The following ASH1L variants were observed in gnomAD, a reference collection of about 807,000 sequenced individuals.
The protein encoded by ASH1L is ASH1 like histone lysine methyltransferase, also known as histone-lysine N-methyltransferase ASH1L.
ASH1L carries 23 observed loss-of-function variants against 269.0 expected under a neutral mutation model. The observed-to-expected ratio is 0.09, with a 90% CI of 0.06 to 0.12. The LOEUF (loss-of-function observed/expected upper bound fraction) is 0.12, where lower values mean the gene tolerates loss of function less well. Among genes scored for constraint, ASH1L ranks in the 10% least tolerant of loss-of-function variants. ASH1L has a pLI of 1.00. For missense variants in ASH1L, 2,912 were observed against 3,567.8 expected (o/e 0.82, Z 4.68); for synonymous variants, 1,187 against 1,253.5 (o/e 0.95, Z 1.12).
intron 5 of ASH1L, among the ~76,000 whole-genome samples, chr1:155,430,083 C>T (rs746334142): frequency 6.6e-6 from 1 of 151,950 alleles, no homozygotes; most frequent in Non-Finnish European, 1.5e-5. Flanking sequence ...TCAAGCAATT[C>T]TCCTGCCTCA....
chr1:155,555,606 CTT>C (rs1199991825), intron 1 of ASH1L, among the ~76,000 whole-genome samples: 1 of 151,826 alleles, frequency 6.6e-6, no homozygotes, highest in Non-Finnish European at 1.5e-5. Flanking sequence ...GTAAGAAACC[CTT>C]TGTTTCTCTC....
At chr1:155,553,384 A>G (rs1671347945) in intron 1 of ASH1L, among the ~76,000 whole-genome samples, 1 of 152,218 alleles carries the variant, frequency 6.6e-6, no homozygotes, top group South Asian at 2.1e-4. Flanking sequence ...TTTGTCTAAG[A>G]AAAGTATTTT....
At chr1:155,417,054 C>T (rs1044602427) in intron 5 of ASH1L, among the ~76,000 whole-genome samples, 2 of 151,798 alleles carry the variant, frequency 1.3e-5, no homozygotes, top group African/African-American at 4.8e-5. Context: ...ACCTCAGCCT[C>T]CTGAGTAGCT....
At chr1:155,467,650 C>T (rs919023835) in intron 3 of ASH1L, among the ~76,000 whole-genome samples, 1 of 152,154 alleles carries the variant, frequency 6.6e-6, no homozygotes, top group Non-Finnish European at 1.5e-5. Flanking sequence ...CCAAGCTACA[C>T]ATTCCAGTGT....
chr1:155,541,097 T>C (rs998602834), intron 1 of ASH1L, among the ~76,000 whole-genome samples: 12 of 152,142 alleles, frequency 7.9e-5, no homozygotes, highest in Admixed American at 6.6e-4. Flanking sequence ...TTATACCAAT[T>C]AAGTTATTTA....
intron 12 of ASH1L, among the ~76,000 whole-genome samples, chr1:155,368,877 C>G (rs1353230303): frequency 6.6e-6 from 1 of 152,150 alleles, no homozygotes; most frequent in African/African-American, 2.4e-5. Flanking sequence ...TAAAAAGTAA[C>G]AAACCACTAA....
At chr1:155,508,927 T>C (rs1312912701) in intron 2 of ASH1L, among the ~76,000 whole-genome samples, 2 of 152,026 alleles carry the variant, frequency 1.3e-5, no homozygotes, top group African/African-American at 4.8e-5. Flanking sequence ...CCAGGAAAGG[T>C]GTCAGTAACG....
At chr1:155,373,401 C>A (rs753623047) in intron 10 of ASH1L, among the ~76,000 whole-genome samples, 3 of 151,882 alleles carry the variant, frequency 2.0e-5, no homozygotes, top group Non-Finnish European at 2.9e-5. Flanking sequence ...AATTCTCCCA[C>A]CTCAGCTTCC....
In ASH1L at chr1:155,343,333, G is replaced by T. The variant is rs759365830; in HGVS notation, c.8274C>A (p.Asp2758Glu). The change falls in exon 24 of 28, where the codon GAC becomes GAA. Residue 2758 changes from aspartate to glutamate, a missense_variant. Physicochemically the swap from Asp to Glu is conservative, Grantham distance 45. Transcript: ENST00000392403. The surrounding 1 kb of genome is among the most constrained non-coding windows in gnomAD (Gnocchi z 6.1). ...EAVVGTCCVL[D>E]LYTYCKGRPK... ...ACTTACCTTTACAATACGTATAAAG[G>T]TCCAACACACAGCAGGTCCCCACTA... 1 of 1,613,842 alleles carries T rather than the reference G, an allele frequency of 6.2e-7. No homozygotes were observed. The highest frequency in any genetic ancestry group is 8.5e-7 in the Non-Finnish European group (1 of 1,179,886).
chr1:155,351,891 T>A (rs7523189), intron 17 of ASH1L, among the ~76,000 whole-genome samples: 8,146 of 151,640 alleles, frequency 0.054, 704 homozygotes, highest in African/African-American at 0.18. Flanking sequence ...ATAAATAAAT[T>A]AATTACTATT....
intron 1 of ASH1L, among the ~76,000 whole-genome samples, chr1:155,552,449 AGAGT>A (rs1490369952): frequency 1.3e-5 from 2 of 150,320 alleles, no homozygotes; most frequent in Non-Finnish European, 3.0e-5. Flanking sequence ...CTAGCCGACA[AGAGT>A]GAGACTCTGT....
At chr1:155,448,953 T>C (rs891322592) in intron 4 of ASH1L, among the ~76,000 whole-genome samples, 1 of 151,708 alleles carries the variant, frequency 6.6e-6, no homozygotes, top group African/African-American at 2.4e-5. Context: ...TTTTTTTTTT[T>C]AAACGGAGTC....
chr1:155,537,980 T>C (rs1670168633), intron 1 of ASH1L, among the ~76,000 whole-genome samples: 1 of 152,104 alleles, frequency 6.6e-6, no homozygotes, highest in Non-Finnish European at 1.5e-5. Flanking sequence ...CTTTTCTTTC[T>C]CTAAAATATT....
intron 5 of ASH1L, chr1:155,433,556 AAGG>A: frequency 6.2e-7 from 1 of 1,610,282 alleles, no homozygotes; most frequent in Non-Finnish European, 8.5e-7. Flanking sequence ...GAAACTGGAG[AAGG>A]AGAAGCTGGA....
At chr1:155,534,178 A>G (rs975342997) in intron 1 of ASH1L, among the ~76,000 whole-genome samples, 10 of 151,110 alleles carry the variant, frequency 6.6e-5, no homozygotes, top group Non-Finnish European at 1.3e-4. Context: ...AATCTCAAAA[A>G]AGAAAAAAAA....
intron 6 of ASH1L, among the ~76,000 whole-genome samples, chr1:155,398,289 T>G (rs1658532134): frequency 6.6e-6 from 1 of 152,208 alleles, no homozygotes; most frequent in African/African-American, 2.4e-5. Context: ...ATAAAGTCAT[T>G]TGTCATTTGA....
intron 2 of ASH1L, among the ~76,000 whole-genome samples, chr1:155,501,238 G>A (rs767502376): frequency 2.0e-5 from 3 of 152,168 alleles, no homozygotes; most frequent in Non-Finnish European, 2.9e-5. Flanking sequence ...GTCTTGTTAC[G>A]TTGCCAAGGA....
chr1:155,528,576 G>C (rs772802153), intron 1 of ASH1L, among the ~76,000 whole-genome samples: 1 of 152,142 alleles, frequency 6.6e-6, no homozygotes, highest in South Asian at 2.1e-4. Context: ...TCTGCTGGCA[G>C]ACTTGCCTCT....
intron 3 of ASH1L, among the ~76,000 whole-genome samples, chr1:155,477,512 C>T (rs1328823107): frequency 9.7e-6 from 1 of 102,974 alleles, no homozygotes; most frequent in Non-Finnish European, 1.9e-5. Context: ...CCTTTTACCT[C>T]TTGGGGTGGT....
Sources: gnomAD v4.1 joint callset for allele counts (sites outside exome capture counted in the v4.1 genomes callset) on GRCh38, gnomAD v4.1.1 for gene constraint, Gnocchi (gnomAD v3.1) non-coding constraint, MANE v1.5 for transcripts, NCBI Gene and HGNC (gene_info 2026-07-23, HGNC 2026-07-21) for gene names.